Variants in RAPGEF5 observed in about 807,000 individuals in gnomAD.
The protein encoded by RAPGEF5 is M-Ras-regulated GEF.
Under a neutral mutation model 125.2 loss-of-function variants are expected in RAPGEF5, and 65 were observed. That is an observed-to-expected ratio of 0.52 (90% CI 0.43 to 0.64). The LOEUF (loss-of-function observed/expected upper bound fraction) is 0.64, where lower values mean the gene tolerates loss of function less well. Among genes scored for constraint, RAPGEF5 ranks in the 30% least tolerant of loss-of-function variants. RAPGEF5 has a pLI of 0.00. For missense variants in RAPGEF5, 958 were observed against 1,048.1 expected (o/e 0.91, Z 1.19); for synonymous variants, 391 against 385.9 (o/e 1.01, Z -0.16).
chr7:22,174,250 T>G (rs1422247706), intron 11 of RAPGEF5, among the ~76,000 whole-genome samples: 6 of 152,158 alleles, frequency 3.9e-5, no homozygotes, highest in Admixed American at 6.5e-5. Context: ...AACTATGAAT[T>G]TCCAAGAAGA....
intron 7 of RAPGEF5, among the ~76,000 whole-genome samples, chr7:22,231,877 G>A (rs1377541607): frequency 6.6e-6 from 1 of 152,178 alleles, no homozygotes; most frequent in African/African-American, 2.4e-5. Context: ...GGGGAACCAC[G>A]AAAGAATTTT....
chr7:22,150,512 T>TAAAAA lies in RAPGEF5; in HGVS notation c.1787-9_1787-8insTTTTT. The TAAAAA allele has an allele frequency of 3.8e-6, 5 of 1,324,510 alleles. No homozygotes were observed. The highest frequency in any genetic ancestry group is 2.9e-5 in the Admixed American group (1 of 34,382). 82.0% of individuals were successfully genotyped at this position (1,324,510 alleles called of 1,614,324 possible). A position where few individuals can be genotyped will look rare whatever the true frequency, so the allele number is the denominator to read the frequency against. On this transcript the variant is annotated splice_polypyrimidine_tract_variant and intron_variant, in intron 17 of 25. Coordinates refer to ENST00000665637, the MANE Select transcript of RAPGEF5 (RefSeq NM_012294.5). The stretch of plus-strand genomic sequence containing the variant: ...GCTGAAGTTCATGCTTTTCTTTATT[T>TAAAAA]GAAAAAAAAAAAAAAAAAAGGAATA...
chr7:22,176,907 T>C (rs1271615771), intron 11 of RAPGEF5, among the ~76,000 whole-genome samples: 1 of 152,214 alleles, frequency 6.6e-6, no homozygotes, highest in African/African-American at 2.4e-5. Context: ...AAATTTACTT[T>C]AATGTATTGC....
chr7:22,151,458 C>CTTT (rs10609080), intron 17 of RAPGEF5, among the ~76,000 whole-genome samples: 1 of 109,932 alleles, frequency 9.1e-6, no homozygotes, highest in Non-Finnish European at 1.8e-5. Context: ...CTGATCATTA[C>CTTT]TTTTTTTTTT....
intron 14 of RAPGEF5, among the ~76,000 whole-genome samples, chr7:22,158,220 G>A (rs1783875019): frequency 1.3e-5 from 2 of 152,178 alleles, no homozygotes; most frequent in South Asian, 2.1e-4. Flanking sequence ...GCAATATTCA[G>A]TCCATAGAAA....
In RAPGEF5 at chr7:22,327,564, G is replaced by T. The variant is rs146223978; in HGVS notation, c.232-9527C>A. ...TCTGTGCACTGCATCCTCTCCTCCCGGGAGGCAGCCTTGCATCACTGGTAA... is the reference window on the plus strand; with the variant it reads ...TCTGTGCACTGCATCCTCTCCTCCCTGGAGGCAGCCTTGCATCACTGGTAA... On this transcript the variant is annotated intron_variant, in intron 1 of 25. Transcript: ENST00000665637. Among the ~76,000 whole-genome samples the T allele has an allele frequency of 4.1e-3, 621 of 152,232 alleles. 11 individuals are homozygous for T. Among genetic ancestry groups the T allele is most frequent in the African/African-American group, 0.015 (605 of 41,524 alleles).
intron 1 of RAPGEF5, among the ~76,000 whole-genome samples, chr7:22,348,701 G>A (rs938420474): frequency 6.6e-6 from 1 of 152,258 alleles, no homozygotes; most frequent in Non-Finnish European, 1.5e-5. Flanking sequence ...CATGAAGACA[G>A]AGGGTACATT....
chr7:22,266,438 CAT>C (rs1170876644), intron 7 of RAPGEF5, among the ~76,000 whole-genome samples: 3 of 152,168 alleles, frequency 2.0e-5, no homozygotes, highest in Admixed American at 6.6e-5. Context: ...TTCCTTTCCA[CAT>C]GTTACTTCCA....
intron 11 of RAPGEF5, among the ~76,000 whole-genome samples, chr7:22,169,862 A>AAAAAAAAAG (rs1784294627): frequency 7.0e-6 from 1 of 142,344 alleles, no homozygotes; most frequent in African/African-American, 2.6e-5. Context: ...TCTGTGTCAA[A>AAAAAAAAAG]AAAAAAAAAA....
intron 5 of RAPGEF5, among the ~76,000 whole-genome samples, chr7:22,292,473 T>C (rs1221201252): frequency 7.2e-5 from 11 of 152,226 alleles, no homozygotes; most frequent in Non-Finnish European, 1.3e-4. Flanking sequence ...TTGAGATGCT[T>C]GCTAACAATC....
intron 1 of RAPGEF5, among the ~76,000 whole-genome samples, chr7:22,343,705 G>A (rs1409791540): frequency 5.3e-5 from 8 of 152,100 alleles, no homozygotes; most frequent in Non-Finnish European, 1.2e-4. Context: ...TCACCAACAC[G>A]CCCATTGCTG....
At chr7:22,280,083 AGGAACAGTCCT>A (rs1479961101) in intron 6 of RAPGEF5, among the ~76,000 whole-genome samples, 1 of 152,202 alleles carries the variant, frequency 6.6e-6, no homozygotes, top group East Asian at 1.9e-4. Flanking sequence ...CAGAGGCTGG[AGGAACAGTCCT>A]AAAGTTTCAG....
chr7:22,251,775 C>CAGAA (rs1786627748), intron 7 of RAPGEF5, among the ~76,000 whole-genome samples: 1 of 73,344 alleles, frequency 1.4e-5, no homozygotes, highest in East Asian at 4.2e-4. Flanking sequence ...GTTTCATTGA[C>CAGAA]AAAAAAAAAA....
intron 1 of RAPGEF5, among the ~76,000 whole-genome samples, chr7:22,341,253 T>A (rs896665719): frequency 5.3e-5 from 8 of 152,158 alleles, no homozygotes; most frequent in Non-Finnish European, 1.0e-4. Context: ...CTCCCCTTTT[T>A]AAAACCATCA....
chr7:22,340,502 C>T (rs370084336), intron 1 of RAPGEF5, among the ~76,000 whole-genome samples: 2 of 152,196 alleles, frequency 1.3e-5, no homozygotes, highest in East Asian at 3.8e-4. Context: ...ACTCCTTTCC[C>T]AGCTAGGGGG....
intron 24 of RAPGEF5, among the ~76,000 whole-genome samples, chr7:22,129,928 TA>T (rs1210817084): frequency 6.6e-6 from 1 of 152,028 alleles, no homozygotes; most frequent in East Asian, 1.9e-4. Context: ...GTTGGCTGGG[TA>T]AGCAGAGCAA....
At chr7:22,354,813 A>G (rs1166973330) in intron 1 of RAPGEF5, among the ~76,000 whole-genome samples, 2 of 152,190 alleles carry the variant, frequency 1.3e-5, no homozygotes, top group Non-Finnish European at 2.9e-5. Context: ...TAATCAGCCT[A>G]CACATTGATC....
intron 6 of RAPGEF5, among the ~76,000 whole-genome samples, chr7:22,272,765 T>A (rs1441151079): frequency 6.6e-6 from 1 of 152,182 alleles, no homozygotes. Context: ...TTTTATTTTC[T>A]TATTTTTTTG....
chr7:22,335,131 G>A (rs1784001290), intron 1 of RAPGEF5, among the ~76,000 whole-genome samples: 1 of 152,128 alleles, frequency 6.6e-6, no homozygotes. Flanking sequence ...GATAGGCAGG[G>A]GCATGCATGT....
Sources: gnomAD v4.1 joint callset for allele counts (sites outside exome capture counted in the v4.1 genomes callset) on GRCh38, gnomAD v4.1.1 for gene constraint, MANE v1.5 for transcripts, NCBI Gene and HGNC (gene_info 2026-07-23, HGNC 2026-07-21) for gene names.